Variants in CACNA1E observed in about 807,000 individuals in gnomAD.
CACNA1E encodes calcium voltage-gated channel subunit alpha1 E.
CACNA1E carries 40 observed loss-of-function variants against 259.2 expected under a neutral mutation model. The ratio of observed to expected loss-of-function variants is 0.15; its 90% CI spans 0.12 to 0.20. CACNA1E has a LOEUF of 0.20. Among genes scored for constraint, CACNA1E ranks in the 10% least tolerant of loss-of-function variants. The pLI, the probability that CACNA1E is intolerant of heterozygous loss-of-function variation, is 1.00. For missense variants in CACNA1E, 1,874 were observed against 3,040.1 expected (o/e 0.62, Z 9.02); for synonymous variants, 1,104 against 1,138.5 (o/e 0.97, Z 0.61).
intron 1 of CACNA1E, among the ~76,000 whole-genome samples, chr1:181,507,311 TCCGCTG>T (rs1181940337): frequency 6.6e-6 from 1 of 152,188 alleles, no homozygotes; most frequent in Non-Finnish European, 1.5e-5. Flanking sequence ...CAAGAGCCAT[TCCGCTG>T]CCTGGAGCAT....
chr1:181,730,711 C>T (rs1440910194), intron 18 of CACNA1E, among the ~76,000 whole-genome samples: 2 of 152,206 alleles, frequency 1.3e-5, no homozygotes, highest in Admixed American at 6.5e-5. Flanking sequence ...TTTTGTGAAG[C>T]TGGGTCAGGT....
Position 181,732,906 on chromosome 1 carries a change from G to T in CACNA1E, c.2820G>T (p.Arg940Ser), listed in dbSNP as rs962087721. The change falls in exon 20 of 48, where the codon AGG becomes AGT. Residue 940 changes from arginine (R) to serine (S), a missense_variant. Arg to Ser is a moderately radical substitution (Grantham distance 110, BLOSUM62 -1). Coordinates refer to ENST00000367573, the MANE Select transcript of CACNA1E (RefSeq NM_001205293.3). The surrounding 1 kb of genome is among the most constrained non-coding windows in gnomAD (Gnocchi z 5.5). The part of the protein sequence containing the change: ...GKESSSASRS[R>S]SASQERSLDE... ...AGTCCTCTTCAGCCTCCCGGAGCAG[G>T]TCTGCCAGCCAGGAACGCAGTCTGG... 1.9e-6 allele frequency: 3 copies of T among 1,613,924 alleles called. No homozygotes were observed. The African/African-American group carries it at 4.0e-5, about 22-fold the overall frequency.
At chr1:181,348,463 G>A (rs1361094550) in intron 1 of CACNA1E, among the ~76,000 whole-genome samples, 2 of 152,146 alleles carry the variant, frequency 1.3e-5, no homozygotes, top group Non-Finnish European at 2.9e-5. Flanking sequence ...TAGAGGGTCA[G>A]TATGGTTTGC....
At chr1:181,436,565 G>A (rs1466804975) in intron 2 of CACNA1E, among the ~76,000 whole-genome samples, 1 of 152,150 alleles carries the variant, frequency 6.6e-6, no homozygotes, top group Admixed American at 6.5e-5. Context: ...TGACAACATG[G>A]GTGAACCTGG....
chr1:181,790,610 TCTCA>T, intron 44 of CACNA1E, 54 bp downstream of exon 44: 1 of 1,093,324 alleles, frequency 9.1e-7, no homozygotes, highest in Non-Finnish European at 1.4e-6. Flanking sequence ...TCCTGATCCC[TCTCA>T]CTAATTTTAT....
intron 3 of CACNA1E, among the ~76,000 whole-genome samples, chr1:181,526,566 G>A (rs1667374457): frequency 6.6e-6 from 1 of 152,146 alleles, no homozygotes; most frequent in African/African-American, 2.4e-5. Flanking sequence ...AGGGAATTAA[G>A]AGAACAATAG....
At chr1:181,433,333 G>A (rs1032745200) in intron 2 of CACNA1E, among the ~76,000 whole-genome samples, 11 of 152,144 alleles carry the variant, frequency 7.2e-5, no homozygotes, top group South Asian at 4.2e-4. Flanking sequence ...CACTTCCCTC[G>A]CTTTTTCTCA....
At chr1:181,636,055 G>A (rs144128637) in intron 6 of CACNA1E, among the ~76,000 whole-genome samples, 61 of 152,208 alleles carry the variant, frequency 4.0e-4, no homozygotes, top group Middle Eastern at 3.4e-3. Flanking sequence ...TTAGATGATA[G>A]GAATATAAAT....
chr1:181,634,702 G>T (rs1012530711), intron 6 of CACNA1E, among the ~76,000 whole-genome samples: 12 of 152,106 alleles, frequency 7.9e-5, no homozygotes, highest in African/African-American at 2.9e-4. Flanking sequence ...TCCAGCAAAG[G>T]CCAGTGACAG....
chr1:181,320,914 G>T (rs1039168182), intron 1 of CACNA1E, among the ~76,000 whole-genome samples: 1 of 152,146 alleles, frequency 6.6e-6, no homozygotes, highest in African/African-American at 2.4e-5. Context: ...TAAAAAAAGA[G>T]GTTTATTTGG....
intron 6 of CACNA1E, among the ~76,000 whole-genome samples, chr1:181,612,751 C>T (rs1251712918): frequency 6.6e-6 from 1 of 152,196 alleles, no homozygotes; most frequent in Non-Finnish European, 1.5e-5. Context: ...AATCTACAAT[C>T]CCACACAAGA....
chr1:181,696,746 A>C (rs1017201346), intron 7 of CACNA1E, among the ~76,000 whole-genome samples: 1 of 152,216 alleles, frequency 6.6e-6, no homozygotes, highest in African/African-American at 2.4e-5. Flanking sequence ...TTTTCAGATA[A>C]GAATGGAGTA....
chr1:181,442,935 C>T (rs1004386198), intron 2 of CACNA1E, among the ~76,000 whole-genome samples: 5 of 152,096 alleles, frequency 3.3e-5, no homozygotes, highest in East Asian at 1.9e-4. Flanking sequence ...CTGTCAGGAG[C>T]GCCCTGGTCA....
chr1:181,767,534 C>T (rs920035508), intron 35 of CACNA1E, among the ~76,000 whole-genome samples: 2 of 152,250 alleles, frequency 1.3e-5, no homozygotes, highest in Non-Finnish European at 2.9e-5. Context: ...AACTGTGTTG[C>T]CACCTGGAGC....
intron 2 of CACNA1E, among the ~76,000 whole-genome samples, chr1:181,433,741 A>C (rs566330963): frequency 1.3e-5 from 2 of 152,200 alleles, no homozygotes; most frequent in Middle Eastern, 3.4e-3. Flanking sequence ...TATTTCTTTC[A>C]CTTTTCATTA....
chr1:181,360,244 G>A (rs546175364), intron 1 of CACNA1E, among the ~76,000 whole-genome samples: 5 of 152,110 alleles, frequency 3.3e-5, no homozygotes, highest in South Asian at 2.1e-4. Flanking sequence ...CTTCCACTCC[G>A]AGGCATATAC....
intron 18 of CACNA1E, among the ~76,000 whole-genome samples, chr1:181,728,884 G>A (rs1184118158): frequency 2.9e-5 from 4 of 139,988 alleles, no homozygotes; most frequent in African/African-American, 1.1e-4. Context: ...TCGGGTGTGT[G>A]TGCCCTGCTC....
At chr1:181,784,884 A>G (rs1660727836) in intron 41 of CACNA1E, 116 bp downstream of exon 41, 1 of 653,888 alleles carries the variant, frequency 1.5e-6, no homozygotes, top group Non-Finnish European at 2.7e-6. Flanking sequence ...TTTTCAATTA[A>G]TAAGGACAAA....
At chr1:181,561,001 C>T (rs1358447547) in intron 3 of CACNA1E, among the ~76,000 whole-genome samples, 1 of 152,154 alleles carries the variant, frequency 6.6e-6, no homozygotes, top group African/African-American at 2.4e-5. Flanking sequence ...AGGACAAATA[C>T]TATGTGATTC....
Sources: gnomAD v4.1 joint callset for allele counts (sites outside exome capture counted in the v4.1 genomes callset) on GRCh38, gnomAD v4.1.1 for gene constraint, Gnocchi (gnomAD v3.1) non-coding constraint, MANE v1.5 for transcripts, NCBI Gene and HGNC (gene_info 2026-07-23, HGNC 2026-07-21) for gene names.